The following NOLC1 variants were observed in gnomAD, a reference collection of about 807,000 sequenced individuals.
The protein encoded by NOLC1 is nucleolar and coiled-body phosphoprotein 1.
In NOLC1, 37 loss-of-function variants were observed where a neutral mutation model predicts 73.4. The ratio of observed to expected loss-of-function variants is 0.50; its 90% CI spans 0.39 to 0.66. The LOEUF (loss-of-function observed/expected upper bound fraction) is 0.66, where lower values mean the gene tolerates loss of function less well. Among genes scored for constraint, NOLC1 ranks in the 30% least tolerant of loss-of-function variants. The pLI is 0.00. For synonymous variants in NOLC1, 327 were observed against 302.6 expected (o/e 1.08, Z -0.84); for missense variants, 921 against 838.9 (o/e 1.10, Z -1.21).
At position 102,161,922 on chromosome 10, in the gene NOLC1, C is replaced by T. The variant is rs1241766668; in HGVS notation, c.1938C>T (p.Ala646=). 7.4e-6 allele frequency: 12 copies of T among 1,613,812 alleles called. No individual in the cohort carries two copies. The highest frequency in any genetic ancestry group is 1.0e-5 in the Non-Finnish European group (12 of 1,179,776). ...GAGTTGCGGACAACTCCTTTGATGC[C>T]AAGGTGAGAGAGAGATCTGTGCCAT... The part of the protein sequence containing the change: ...DSRVADNSFD[A]KRGAAGDWGE... The change falls in exon 12 of 13, where the codon GCC becomes GCT. Residue 646 remains alanine (A), a synonymous_variant. Transcript: ENST00000605788.
rs150811773 is a variant in NOLC1, at chr10:102,161,075, G to A, written c.1723G>A (p.Val575Met). Residue 575 changes from valine (V) to methionine (M), a missense_variant, in exon 10 of 13, where the codon GTG (valine) becomes ATG (methionine). Val to Met is a conservative substitution (Grantham distance 21). Coordinates refer to ENST00000605788, the MANE Select transcript of NOLC1 (RefSeq NM_004741.5). ...GGAAGAAGAAAAGAAAAAGGCGGCA[G>A]TGGTAGTTTCCAAATCAGGTCTGTA... ...EEEEEKKKAA[V>M]VVSKSGSLKK... 3.2e-5 allele frequency: 52 copies of A among 1,608,344 alleles called. No individual in the cohort carries two copies. The African/African-American group carries it at 6.7e-4, about 21-fold the overall frequency.
chr10:102,162,228 A>G lies in NOLC1; in HGVS notation c.2059A>G (p.Ile687Val), dbSNP rs199845240. The change falls in exon 13 of 13, where the codon ATC becomes GTC. Residue 687 changes from isoleucine to valine, a missense_variant. Transcript: ENST00000605788. Reference sequence around the variant, plus strand: ...GCGGGGCAGCTACCGGGGAGGCTCAATCTCTGTCCAGGTCAATTCTATTAA... The same window carrying G: ...GCGGGGCAGCTACCGGGGAGGCTCAGTCTCTGTCCAGGTCAATTCTATTAA... ...KKRGSYRGGS[I>V]SVQVNSIKFD... 100 of 1,614,132 alleles carry G rather than the reference A, an allele frequency of 6.2e-5. 1 individual carries two copies. Among genetic ancestry groups the G allele is most frequent in the African/African-American group, 2.1e-4 (16 of 75,044 alleles).
At chr10:102,155,392 A>AG (rs547533955) in intron 1 of NOLC1, among the ~76,000 whole-genome samples, 5 of 150,908 alleles carry the variant, frequency 3.3e-5, no homozygotes, top group Non-Finnish European at 5.9e-5. Context: ...AAAAAAAAAA[A>AG]AGAGAGAGAG....
At chr10:102,152,560 G>T (rs748939408) in intron 1 of NOLC1, 30 bp downstream of exon 1, 1 of 1,612,420 alleles carries the variant, frequency 6.2e-7, no homozygotes, top group Non-Finnish European at 8.5e-7. Context: ...CGGGGACCGG[G>T]CTGAGATGAC....
chr10:102,159,065 C>CAAAAAAAAAA, intron 5 of NOLC1, 128 bp from the exon 6 acceptor site: 3 of 356,582 alleles, frequency 8.4e-6, no homozygotes, highest in Non-Finnish European at 1.4e-5. Flanking sequence ...ACTCCGTCTC[C>CAAAAAAAAAA]AAAAAAAAAA....
Position 102,161,868 on chromosome 10 carries a change from C to T in NOLC1, c.1884C>T (p.Val628=). The change falls in exon 12 of 13, where the codon GTC becomes GTT. Residue 628 remains valine, a synonymous_variant. Transcript: ENST00000605788. ...EKRASSPFRR[V]REEEIEVDSR... Reference sequence around the variant, plus strand: ...GGGCATCATCCCCATTCCGAAGGGTCAGGGAGGAGGAAATTGAGGTGGATT... The same window carrying T: ...GGGCATCATCCCCATTCCGAAGGGTTAGGGAGGAGGAAATTGAGGTGGATT... The T allele has an allele frequency of 3.1e-6, 5 of 1,614,092 alleles. No homozygotes were observed. Among genetic ancestry groups the T allele is most frequent in the Non-Finnish European group, 4.2e-6 (5 of 1,180,000 alleles).
chr10:102,162,038 G>A (rs2069718865), intron 12 of NOLC1, 73 bp from the exon 13 acceptor site: 1 of 1,602,648 alleles, frequency 6.2e-7, no homozygotes, highest in Admixed American at 1.7e-5. Flanking sequence ...CCTTGAGCAG[G>A]GAGTAGAAAG....
intron 3 of NOLC1, 29 bp downstream of exon 3, chr10:102,157,357 G>A: frequency 6.2e-7 from 1 of 1,613,308 alleles, no homozygotes; most frequent in East Asian, 2.2e-5. Flanking sequence ...TGGGCTTGGT[G>A]GTGCCAGGAA....
intron 7 of NOLC1, 45 bp downstream of exon 7, chr10:102,159,613 C>A (rs751309128): frequency 1.3e-6 from 2 of 1,587,694 alleles, no homozygotes; most frequent in Non-Finnish European, 1.7e-6. Flanking sequence ...TGGTCAGGGC[C>A]CAGCTGCAGT....
rs1243875891 is a variant in NOLC1, at chr10:102,161,550, T to C, written c.1742-6T>C. 6.2e-7 allele frequency: 1 copy of C among 1,611,274 alleles called. No individual in the cohort carries two copies. The highest frequency in any genetic ancestry group is 1.3e-5 in the African/African-American group (1 of 74,842). On this transcript the variant is annotated splice_region_variant and splice_polypyrimidine_tract_variant and intron_variant, in intron 10 of 12. Transcript: ENST00000605788. Reference sequence around the variant, plus strand: ...CTCGGCCTGAGTCTGGCTTTTTGTTTTGTAGGTTCATTAAAGAAGCGGAAG... The same window carrying C: ...CTCGGCCTGAGTCTGGCTTTTTGTTCTGTAGGTTCATTAAAGAAGCGGAAG...
intron 1 of NOLC1, among the ~76,000 whole-genome samples, chr10:102,155,785 G>C (rs2069584385): frequency 6.6e-6 from 1 of 151,452 alleles, no homozygotes; most frequent in African/African-American, 2.4e-5. Flanking sequence ...TGGGATTACA[G>C]CAGACCTGAG....
At chr10:102,152,634 C>A (rs1332439223) in intron 1 of NOLC1, 104 bp downstream of exon 1, 3 of 1,521,660 alleles carry the variant, frequency 2.0e-6, no homozygotes, top group Non-Finnish European at 2.7e-6. Flanking sequence ...GTCCGCCAGT[C>A]CAGTGTCTGC....
chr10:102,156,541 A>C (rs980090799), intron 1 of NOLC1, among the ~76,000 whole-genome samples: 1 of 151,426 alleles, frequency 6.6e-6, no homozygotes, highest in Non-Finnish European at 1.5e-5. Flanking sequence ...AGGTTCAAGC[A>C]ATTCTCCTGC....
chr10:102,155,942 C>T (rs1458922129), intron 1 of NOLC1, among the ~76,000 whole-genome samples: 4 of 151,922 alleles, frequency 2.6e-5, no homozygotes, highest in South Asian at 2.1e-4. Context: ...CTGCACCCTC[C>T]GCCTCTGGGG....
At chr10:102,158,521 TA>T (rs1239619364) in intron 5 of NOLC1, among the ~76,000 whole-genome samples, 1 of 152,220 alleles carries the variant, frequency 6.6e-6, no homozygotes, top group African/African-American at 2.4e-5. Context: ...ATCACTTAAA[TA>T]TCTATTTGTT....
chr10:102,162,900 T>C lies in NOLC1; in HGVS notation c.*631T>C, dbSNP rs1396818047. 6.6e-6 allele frequency: 1 copy of C among 152,264 alleles called. No individual in the cohort carries two copies. Among genetic ancestry groups the C allele is most frequent in the African/African-American group, 2.4e-5 (1 of 41,478 alleles). 9.4% of individuals were successfully genotyped at this position (152,264 alleles called of 1,614,324 possible). A position where few individuals can be genotyped will look rare whatever the true frequency, so the allele number is the denominator to read the frequency against. On this transcript the variant is annotated 3_prime_UTR_variant, in exon 13 of 13. Coordinates refer to ENST00000605788, the MANE Select transcript of NOLC1 (RefSeq NM_004741.5). ...ACCTACTTTTTGGGATAAAATTCTC[T>C]GTTTTGTTACAGGCAAAATTCTGGT...
At chr10:102,159,799 CAAGTG>C in intron 7 of NOLC1, 92 bp from the exon 8 acceptor site, 2 of 1,290,284 alleles carry the variant, frequency 1.6e-6, no homozygotes, top group South Asian at 1.6e-5. Context: ...GGCCCATACT[CAAGTG>C]AAGGGGAATT....
chr10:102,154,808 C>T (rs942294457), intron 1 of NOLC1, among the ~76,000 whole-genome samples: 2 of 151,586 alleles, frequency 1.3e-5, no homozygotes, highest in African/African-American at 2.4e-5. Context: ...ATTACAGGCC[C>T]GTGAGCCACT....
Position 102,157,531 on chromosome 10 carries a change from G to A in NOLC1, c.417G>A (p.Glu139=), listed in dbSNP as rs2069620359. ...AGTCCAGTGATGATGATGATGAGGA[G>A]GACCAAAAGAAACAGCCTGTCCAGG... is the stretch of plus-strand genomic sequence containing the variant. ...SEESSDDDDE[E]DQKKQPVQKG... is the part of the protein sequence containing the mutation. Residue 139 remains glutamate, a synonymous_variant, in exon 4 of 13, where the codon GAG becomes GAA. Transcript: ENST00000605788. 2 of 1,614,072 alleles carry A rather than the reference G, an allele frequency of 1.2e-6. No individual in the cohort carries two copies. The highest frequency in any genetic ancestry group is 1.7e-6 in the Non-Finnish European group (2 of 1,180,012).
Sources: gnomAD v4.1 joint callset for allele counts (sites outside exome capture counted in the v4.1 genomes callset) on GRCh38, gnomAD v4.1.1 for gene constraint, MANE v1.5 for transcripts, NCBI Gene and HGNC (gene_info 2026-07-23, HGNC 2026-07-21) for gene names.